The following RNGTT variants were observed in gnomAD, a reference collection of about 807,000 sequenced individuals.
RNGTT encodes mRNA-capping enzyme.
Under a neutral mutation model 79.3 loss-of-function variants are expected in RNGTT, and 33 were observed. The observed-to-expected ratio is 0.42, with a 90% CI of 0.32 to 0.56. The LOEUF (loss-of-function observed/expected upper bound fraction) is 0.56. Ranked by LOEUF, RNGTT falls within the 20% of genes least tolerant of loss-of-function variation. The pLI is 0.17. For missense variants in RNGTT, 497 were observed against 739.1 expected (o/e 0.67, Z 3.80); for synonymous variants, 222 against 235.9 (o/e 0.94, Z 0.54).
chr6:88,760,543 T>C (rs751199498), intron 13 of RNGTT, among the ~76,000 whole-genome samples: 8 of 152,168 alleles, frequency 5.3e-5, no homozygotes, highest in Admixed American at 3.3e-4. Context: ...AATAGCTATA[T>C]TATACATAAA....
intron 12 of RNGTT, among the ~76,000 whole-genome samples, chr6:88,793,596 G>T (rs918783448): frequency 3.3e-5 from 5 of 152,282 alleles, no homozygotes; most frequent in African/African-American, 9.6e-5. Flanking sequence ...CAGGTGTGGT[G>T]GCTCATGCCT....
intron 13 of RNGTT, among the ~76,000 whole-genome samples, chr6:88,698,959 C>T (rs1304213413): frequency 6.6e-6 from 1 of 152,084 alleles, no homozygotes; most frequent in African/African-American, 2.4e-5. Flanking sequence ...ATGTAGTACG[C>T]ATAACTCTAA....
intron 11 of RNGTT, among the ~76,000 whole-genome samples, chr6:88,804,979 T>A (rs1248854380): frequency 6.6e-6 from 1 of 152,240 alleles, no homozygotes; most frequent in Non-Finnish European, 1.5e-5. Flanking sequence ...TTAGAAGTGC[T>A]TTGCTCTTTG....
At chr6:88,824,456 T>TA (rs1226461685) in intron 11 of RNGTT, among the ~76,000 whole-genome samples, 1 of 152,210 alleles carries the variant, frequency 6.6e-6, no homozygotes. Flanking sequence ...AAAACACTGT[T>TA]AAGTGGCACA....
chr6:88,942,751 T>C (rs2127959319), intron 1 of RNGTT, among the ~76,000 whole-genome samples: 1 of 152,258 alleles, frequency 6.6e-6, no homozygotes, highest in East Asian at 1.9e-4. Flanking sequence ...TAAGCTAAAT[T>C]TCATGAAAAA....
intron 14 of RNGTT, among the ~76,000 whole-genome samples, chr6:88,627,112 T>C (rs1001038286): frequency 2.6e-5 from 4 of 152,130 alleles, no homozygotes; most frequent in Non-Finnish European, 4.4e-5. Flanking sequence ...ATACATACAA[T>C]GACTGGCTTA....
At chr6:88,723,872 G>A (rs917312199) in intron 13 of RNGTT, among the ~76,000 whole-genome samples, 19 of 151,882 alleles carry the variant, frequency 1.3e-4, no homozygotes, top group African/African-American at 3.9e-4. Flanking sequence ...TTACAAGCAC[G>A]CCCCACCATG....
chr6:88,807,688 A>G (rs555914211), intron 11 of RNGTT, among the ~76,000 whole-genome samples: 5 of 152,158 alleles, frequency 3.3e-5, no homozygotes, highest in Admixed American at 6.5e-5. Context: ...TTGCTACAAA[A>G]TTAATTAAAC....
At chr6:88,730,272 A>G (rs1435557252) in intron 13 of RNGTT, among the ~76,000 whole-genome samples, 1 of 152,138 alleles carries the variant, frequency 6.6e-6, no homozygotes, top group Non-Finnish European at 1.5e-5. Flanking sequence ...ACTCATTCCC[A>G]TTACCTGCTC....
At chr6:88,678,745 G>A (rs768895378) in intron 13 of RNGTT, among the ~76,000 whole-genome samples, 1 of 152,072 alleles carries the variant, frequency 6.6e-6, no homozygotes, top group Non-Finnish European at 1.5e-5. Context: ...GACTGCACCT[G>A]TGAATAGCCA....
At chr6:88,881,668 T>A (rs532306336) in intron 8 of RNGTT, among the ~76,000 whole-genome samples, 1 of 152,268 alleles carries the variant, frequency 6.6e-6, no homozygotes, top group Non-Finnish European at 1.5e-5. Context: ...GCCATACCTG[T>A]CTCTTGGATG....
intron 14 of RNGTT, chr6:88,678,150 C>A: frequency 9.0e-7 from 1 of 1,109,256 alleles, no homozygotes; most frequent in Non-Finnish European, 1.1e-6. Context: ...CTGAACTTGG[C>A]TAATGACAAA....
intron 2 of RNGTT, among the ~76,000 whole-genome samples, chr6:88,937,947 C>G (rs527518129): frequency 6.6e-6 from 1 of 152,216 alleles, no homozygotes; most frequent in African/African-American, 2.4e-5. Context: ...TGTTTTGTGT[C>G]CTAACATATG....
intron 13 of RNGTT, among the ~76,000 whole-genome samples, chr6:88,730,576 T>TA (rs1777075138): frequency 6.6e-6 from 1 of 152,186 alleles, no homozygotes; most frequent in East Asian, 1.9e-4. Context: ...AAACTTTACT[T>TA]ACAACAAGAA....
intron 1 of RNGTT, among the ~76,000 whole-genome samples, chr6:88,948,505 G>A (rs1259869960): frequency 7.6e-5 from 11 of 145,256 alleles, no homozygotes; most frequent in South Asian, 2.2e-4. Context: ...TCAGCCCCCC[G>A]CCCGGCCGGC....
intron 1 of RNGTT, among the ~76,000 whole-genome samples, chr6:88,946,897 C>T (rs1394361655): frequency 1.4e-4 from 18 of 132,162 alleles, no homozygotes; most frequent in African/African-American, 2.9e-5. Context: ...CCGCCAACCT[C>T]GGCCTCCCGA....
chr6:88,944,492 G>C (rs144473152), intron 1 of RNGTT, among the ~76,000 whole-genome samples: 1 of 151,872 alleles, frequency 6.6e-6, no homozygotes, highest in Non-Finnish European at 1.5e-5. Flanking sequence ...CCTTCTGCTC[G>C]GGATTTCCTT....
chr6:88,832,201 C>T (rs1469749953), intron 11 of RNGTT, among the ~76,000 whole-genome samples: 2 of 152,164 alleles, frequency 1.3e-5, no homozygotes, highest in Non-Finnish European at 2.9e-5. Context: ...CACTACAAGG[C>T]TACAGTAACC....
chr6:88,633,193 CA>C (rs1246702107), intron 14 of RNGTT, among the ~76,000 whole-genome samples: 6 of 151,240 alleles, frequency 4.0e-5, no homozygotes, highest in African/African-American at 1.5e-4. Context: ...CTTGAGTGAA[CA>C]AAACAAGTCA....
Sources: allele counts gnomAD v4.1 joint callset (sites outside exome capture counted in the v4.1 genomes callset), GRCh38; gene constraint gnomAD v4.1.1; transcripts MANE v1.5; gene names NCBI Gene and HGNC (gene_info 2026-07-23, HGNC 2026-07-21).